AGBL4: variants seen among roughly 807,000 people sequenced by gnomAD.
AGBL4 encodes the protein cytosolic carboxypeptidase 6.
In AGBL4, 58 loss-of-function variants were observed where a neutral mutation model predicts 66.4. The ratio of observed to expected loss-of-function variants is 0.87; its 90% CI spans 0.71 to 1.09. The LOEUF is 1.09. AGBL4 is among the 50% of genes least tolerant of loss of function. AGBL4 has a pLI of 0.00. For missense variants in AGBL4, 579 were observed against 631.0 expected (o/e 0.92, Z 0.88); for synonymous variants, 234 against 222.9 (o/e 1.05, Z -0.44).
intron 5 of AGBL4, among the ~76,000 whole-genome samples, chr1:48,950,001 T>C (rs1040265269): frequency 4.6e-5 from 7 of 152,222 alleles, no homozygotes; most frequent in Admixed American, 4.6e-4. Flanking sequence ...GAATACACTC[T>C]GAGTCCAGCA....
chr1:49,317,224 GTGT>G (rs1193570905), intron 3 of AGBL4, among the ~76,000 whole-genome samples: 1 of 151,800 alleles, frequency 6.6e-6, no homozygotes, highest in East Asian at 1.9e-4. Flanking sequence ...CAAATAATAG[GTGT>G]TGTTTTGTGG....
intron 3 of AGBL4, among the ~76,000 whole-genome samples, chr1:49,661,409 A>G (rs1312592813): frequency 6.6e-6 from 1 of 152,070 alleles, no homozygotes; most frequent in Non-Finnish European, 1.5e-5. Flanking sequence ...GCTTTGTGCT[A>G]TCCTTGTGGT....
Position 49,012,657 on chromosome 1 carries a change from T to A in AGBL4, c.594+32927A>T, listed in dbSNP as rs1436174124. Among the ~76,000 whole-genome samples the A allele has an allele frequency of 1.3e-5, 2 of 152,348 alleles. 1 individual carries two copies. The highest frequency in any genetic ancestry group is 3.9e-4 in the East Asian group (2 of 5,190). On this transcript the variant is annotated intron_variant, in intron 5 of 13. Transcript: ENST00000371839. ...CCATAAGCAGGAACTATTCCTGACCTGTACCTGAAATTCTACCATTCTATT... is the reference window on the plus strand; with the variant it reads ...CCATAAGCAGGAACTATTCCTGACCAGTACCTGAAATTCTACCATTCTATT...
intron 9 of AGBL4, among the ~76,000 whole-genome samples, chr1:48,624,448 T>A (rs1160964933): frequency 1.3e-5 from 2 of 152,212 alleles, no homozygotes; most frequent in Non-Finnish European, 2.9e-5. Context: ...AATTTTTGTA[T>A]TTGAGAAGCT....
chr1:49,207,602 C>CTTTCT (rs757148627), intron 4 of AGBL4, among the ~76,000 whole-genome samples: 98 of 83,644 alleles, frequency 1.2e-3, no homozygotes, highest in African/African-American at 1.5e-3. Flanking sequence ...TTCTTTCTTT[C>CTTTCT]TTCTTTTTAT....
intron 2 of AGBL4, among the ~76,000 whole-genome samples, chr1:49,807,583 A>G (rs1645003659): frequency 6.6e-6 from 1 of 152,176 alleles, no homozygotes; most frequent in Non-Finnish European, 1.5e-5. Flanking sequence ...TCTAATTGAG[A>G]TGATAGATGA....
chr1:49,637,396 G>A (rs1325826250), intron 3 of AGBL4, among the ~76,000 whole-genome samples: 2 of 151,974 alleles, frequency 1.3e-5, no homozygotes, highest in African/African-American at 4.8e-5. Flanking sequence ...CACCTCCCAG[G>A]TTCAAGCAAT....
At chr1:49,481,759 G>T (rs1034984018) in intron 3 of AGBL4, among the ~76,000 whole-genome samples, 2 of 151,824 alleles carry the variant, frequency 1.3e-5, no homozygotes, top group African/African-American at 4.8e-5. Context: ...TTGGCCGTGG[G>T]TTGGTCATTG....
chr1:48,604,787 G>A (rs1366694461), intron 9 of AGBL4, among the ~76,000 whole-genome samples: 1 of 152,198 alleles, frequency 6.6e-6, no homozygotes, highest in Non-Finnish European at 1.5e-5. Context: ...TAGCCAGAAA[G>A]CAGCAAGGAG....
chr1:49,562,921 T>C (rs901459750), intron 3 of AGBL4, among the ~76,000 whole-genome samples: 1 of 152,176 alleles, frequency 6.6e-6, no homozygotes, highest in Non-Finnish European at 1.5e-5. Flanking sequence ...TTTCATGATA[T>C]TGATTCTTCC....
At chr1:49,199,897 C>T (rs1273191150) in intron 4 of AGBL4, among the ~76,000 whole-genome samples, 1 of 152,126 alleles carries the variant, frequency 6.6e-6, no homozygotes, top group East Asian at 1.9e-4. Context: ...TCAGTCTATT[C>T]CCTTGCTCCT....
intron 3 of AGBL4, among the ~76,000 whole-genome samples, chr1:49,661,371 G>A (rs1646266340): frequency 6.6e-6 from 1 of 152,056 alleles, no homozygotes; most frequent in Non-Finnish European, 1.5e-5. Context: ...GAGGCGTTTG[G>A]GTCATGGGAA....
At chr1:49,282,974 A>T (rs1644312495) in intron 3 of AGBL4, among the ~76,000 whole-genome samples, 5 of 152,242 alleles carry the variant, frequency 3.3e-5, no homozygotes, top group Admixed American at 3.3e-4. Flanking sequence ...AGGCTTGCTT[A>T]GGTAAACAAA....
intron 1 of AGBL4, among the ~76,000 whole-genome samples, chr1:49,948,312 A>C (rs1284598425): frequency 9.0e-6 from 1 of 110,692 alleles, no homozygotes; most frequent in African/African-American, 3.8e-5. Flanking sequence ...ATATAAATAT[A>C]TATATAAATA....
At chr1:49,928,006 T>C (rs565473108) in intron 1 of AGBL4, among the ~76,000 whole-genome samples, 1 of 152,112 alleles carries the variant, frequency 6.6e-6, no homozygotes, top group African/African-American at 2.4e-5. Flanking sequence ...GATAGACATA[T>C]GGGAATGTAC....
At chr1:49,710,993 A>G (rs1647621425) in intron 2 of AGBL4, among the ~76,000 whole-genome samples, 1 of 152,088 alleles carries the variant, frequency 6.6e-6, no homozygotes, top group Admixed American at 6.6e-5. Context: ...CACATCACTT[A>G]TTATCAGAAA....
At chr1:48,913,412 G>A (rs141325906) in intron 5 of AGBL4, among the ~76,000 whole-genome samples, 133 of 152,252 alleles carry the variant, frequency 8.7e-4, no homozygotes, top group African/African-American at 2.7e-3. Context: ...GGAGGTGAGC[G>A]GCGGGCTAGA....
At chr1:49,544,123 G>A (rs549531782) in intron 3 of AGBL4, among the ~76,000 whole-genome samples, 103 of 152,274 alleles carry the variant, frequency 6.8e-4, no homozygotes, top group African/African-American at 2.4e-3. Context: ...CGTTTTCACT[G>A]TTTTTCAGGA....
chr1:49,023,167 G>T (rs1663376188), intron 5 of AGBL4, among the ~76,000 whole-genome samples: 1 of 152,134 alleles, frequency 6.6e-6, no homozygotes, highest in Non-Finnish European at 1.5e-5. Context: ...ATGGAGAAGG[G>T]CTCAGGCCAT....
Sources: gnomAD v4.1 joint callset for allele counts (sites outside exome capture counted in the v4.1 genomes callset) on GRCh38, gnomAD v4.1.1 for gene constraint, MANE v1.5 for transcripts, NCBI Gene and HGNC (gene_info 2026-07-23, HGNC 2026-07-21) for gene names.